The following TTC7A variants were observed in gnomAD, a reference collection of about 807,000 sequenced individuals.
TTC7A encodes tetratricopeptide repeat domain 7A, also known as tetratricopeptide repeat protein 7A.
A neutral mutation model predicts 103.7 loss-of-function variants in TTC7A; 110 were observed. The observed-to-expected ratio is 1.06, with a 90% CI of 0.91 to 1.24. The LOEUF is 1.24. Ranked by LOEUF, TTC7A falls within the 50% of genes most tolerant of loss-of-function variation. TTC7A has a pLI of 0.00. For synonymous variants in TTC7A, 521 were observed against 467.9 expected (o/e 1.11, Z -1.47); for missense variants, 1,340 against 1,116.3 (o/e 1.20, Z -2.86).
chr2:46,999,252 A>G (rs1676543611), intron 8 of TTC7A, among the ~76,000 whole-genome samples: 1 of 150,650 alleles, frequency 6.6e-6, no homozygotes, highest in African/African-American at 2.4e-5. Context: ...GCATCCCCCT[A>G]CCTATTCATC....
At chr2:46,958,573 G>A (rs762473443) in intron 3 of TTC7A, 15 of 1,299,406 alleles carry the variant, frequency 1.2e-5, no homozygotes, top group African/African-American at 7.6e-5. Context: ...GGGCGCTGCC[G>A]GCGCGGGCTG....
intron 14 of TTC7A, among the ~76,000 whole-genome samples, chr2:47,025,195 T>C (rs1024250906): frequency 5.9e-5 from 9 of 152,186 alleles, no homozygotes; most frequent in Admixed American, 2.0e-4. Context: ...GTATTTGCTG[T>C]CAGGTGGAGG....
chr2:46,931,905 A>C (rs72806517), intron 2 of TTC7A, among the ~76,000 whole-genome samples: 300 of 152,312 alleles, frequency 2.0e-3, no homozygotes, highest in Middle Eastern at 3.4e-3. Flanking sequence ...AAGCAATAGG[A>C]AATTAATACA....
intron 19 of TTC7A, among the ~76,000 whole-genome samples, chr2:47,068,953 C>T (rs1684427015): frequency 6.6e-6 from 1 of 151,694 alleles, no homozygotes; most frequent in South Asian, 2.1e-4. Flanking sequence ...GCAGCCCCCT[C>T]CCCAAACTGT....
chr2:46,993,450 G>T lies in TTC7A; in HGVS notation c.765G>T (p.Gly255=), dbSNP rs754094225. 3.7e-6 allele frequency: 6 copies of T among 1,614,054 alleles called. No homozygotes were observed. The highest frequency in any genetic ancestry group is 1.3e-5 in the African/African-American group (1 of 74,926). Residue 255 remains glycine (G), a splice_region_variant and synonymous_variant, in exon 6 of 20, where the codon GGG becomes GGT. Transcript: ENST00000319190. ...QSAYVKNLKK[G]NIVKGMRELR... ...TCTACTTCTGCCGTCCTCCCACCAG[G>T]AACATCGTGAAGGGCATGAGAGAGC...
chr2:47,033,670 G>A (rs969635874), intron 15 of TTC7A, among the ~76,000 whole-genome samples: 2 of 152,226 alleles, frequency 1.3e-5, no homozygotes, highest in Non-Finnish European at 2.9e-5. Flanking sequence ...ACAGACACCT[G>A]CTCTCTCTCC....
At chr2:47,038,712 T>C (rs1052286891) in intron 15 of TTC7A, among the ~76,000 whole-genome samples, 4 of 127,304 alleles carry the variant, frequency 3.1e-5, no homozygotes, top group Admixed American at 9.8e-5. Flanking sequence ...CCGGAATTGC[T>C]GCCCAGGGCC....
intron 8 of TTC7A, among the ~76,000 whole-genome samples, chr2:46,996,969 GTTGTTGTT>G (rs1558554750): frequency 4.6e-5 from 7 of 151,580 alleles, no homozygotes; most frequent in African/African-American, 7.3e-5. Context: ...TGTGGTGGTT[GTTGTTGTT>G]GTTGTTGTTG....
intron 18 of TTC7A, among the ~76,000 whole-genome samples, chr2:47,054,712 G>C (rs971880295): frequency 6.6e-6 from 1 of 152,018 alleles, no homozygotes; most frequent in Non-Finnish European, 1.5e-5. Context: ...GTGCATGCCT[G>C]TAGTCCCAGC....
At chr2:46,946,641 C>CT (rs1475940429) in intron 1 of TTC7A, among the ~76,000 whole-genome samples, 2 of 152,130 alleles carry the variant, frequency 1.3e-5, no homozygotes, top group Non-Finnish European at 1.5e-5. Flanking sequence ...AGGCTGGTCT[C>CT]TAACTCCTGG....
intron 15 of TTC7A, among the ~76,000 whole-genome samples, chr2:47,038,359 G>A (rs1271470238): frequency 6.6e-6 from 1 of 152,116 alleles, no homozygotes; most frequent in Non-Finnish European, 1.5e-5. Context: ...CTTGGACCCT[G>A]CTTTTCACCA....
chr2:46,947,270 A>G (rs1052062385), intron 1 of TTC7A, among the ~76,000 whole-genome samples: 25 of 152,202 alleles, frequency 1.6e-4, no homozygotes. Flanking sequence ...TGGTGATAAT[A>G]CCTACCTTTC....
chr2:47,066,224 T>C (rs1011190747), intron 19 of TTC7A: 4 of 152,268 alleles, frequency 2.6e-5, no homozygotes. Context: ...TGGTTCCCTC[T>C]TGCTGCCAGT....
intron 12 of TTC7A, among the ~76,000 whole-genome samples, chr2:47,022,465 C>T (rs1284028046): frequency 1.3e-5 from 2 of 152,200 alleles, no homozygotes; most frequent in African/African-American, 4.8e-5. Context: ...ACTACTTGTG[C>T]TCGGCTAATG....
chr2:47,052,005 G>T, intron 18 of TTC7A, 125 bp downstream of exon 18: 1 of 1,273,258 alleles, frequency 7.9e-7, no homozygotes, highest in East Asian at 2.6e-5. Context: ...GCGGGTTACA[G>T]AGTCCTCGCC....
intron 3 of TTC7A, among the ~76,000 whole-genome samples, chr2:46,960,912 G>A (rs985616393): frequency 1.3e-5 from 2 of 152,236 alleles, no homozygotes; most frequent in Non-Finnish European, 2.9e-5. Flanking sequence ...GCTTGAGTAG[G>A]GGCTACAGCC....
intron 18 of TTC7A, among the ~76,000 whole-genome samples, chr2:47,055,261 A>C (rs1431714383): frequency 6.6e-6 from 1 of 152,170 alleles, no homozygotes; most frequent in African/African-American, 2.4e-5. Flanking sequence ...TTCAAGATAA[A>C]TTGCATCCCA....
chr2:47,063,972 A>G (rs1417324441), intron 19 of TTC7A, among the ~76,000 whole-genome samples: 1 of 152,360 alleles, frequency 6.6e-6, no homozygotes, highest in East Asian at 1.9e-4. Context: ...TGGGGACCCC[A>G]TGTTTCTAAG....
At chr2:46,942,647 T>A (rs906852041) in intron 1 of TTC7A, among the ~76,000 whole-genome samples, 1 of 152,154 alleles carries the variant, frequency 6.6e-6, no homozygotes, top group Non-Finnish European at 1.5e-5. Flanking sequence ...TTTGTCCCAC[T>A]TTACAGATAA....
Sources: gnomAD v4.1 joint callset for allele counts (sites outside exome capture counted in the v4.1 genomes callset) on GRCh38, gnomAD v4.1.1 for gene constraint, MANE v1.5 for transcripts, NCBI Gene and HGNC (gene_info 2026-07-23, HGNC 2026-07-21) for gene names.